PAK6: variants seen among roughly 807,000 people sequenced by gnomAD.
PAK6 encodes serine/threonine-protein kinase PAK 6.
PAK6 carries 33 observed loss-of-function variants against 60.8 expected under a neutral mutation model. The ratio of observed to expected loss-of-function variants is 0.54; its 90% CI spans 0.41 to 0.73. The LOEUF (loss-of-function observed/expected upper bound fraction) is 0.73. Ranked by LOEUF, PAK6 falls within the 30% of genes least tolerant of loss-of-function variation. The pLI, the probability that PAK6 is intolerant of heterozygous loss-of-function variation, is 0.00. For synonymous variants in PAK6, 404 were observed against 378.5 expected, an observed-to-expected ratio of 1.07 and a Z score of -0.78; for missense variants, 845 against 904.1, an observed-to-expected ratio of 0.93 and a Z score of 0.84.
intron 9 of PAK6, 66 bp from the exon 10 acceptor site, chr15:40,274,076 C>G: frequency 6.3e-7 from 1 of 1,584,450 alleles, no homozygotes; most frequent in Admixed American, 1.7e-5. Flanking sequence ...CCACTGCTGC[C>G]ACCAGAACGC....
chr15:40,249,286 G>C (rs1435994529), intron 2 of PAK6, among the ~76,000 whole-genome samples: 2 of 144,142 alleles, frequency 1.4e-5, no homozygotes, highest in Non-Finnish European at 2.9e-5. Flanking sequence ...GATGAATCTT[G>C]GGGGACATAG....
In PAK6 at chr15:40,265,045, G is replaced by A. The variant is rs1391384199; in HGVS notation, c.204+56G>A. ...CCTCTCCCAGTACTCAGACAACCAT[G>A]CCTGGCTAAACCTCAGAAAGGCCCC... On this transcript the variant is annotated intron_variant, in intron 4 of 10. Transcript: ENST00000560346. 13 of 1,532,690 alleles carry A rather than the reference G, an allele frequency of 8.5e-6. No individual in the cohort carries two copies. The East Asian group carries it at 2.7e-4, about 32-fold the overall frequency. The allele number at this position is 1,532,690 out of a possible 1,614,324, so 94.9% of individuals were successfully genotyped here.
At chr15:40,248,642 G>A (rs2038563791) in intron 2 of PAK6, among the ~76,000 whole-genome samples, 1 of 152,220 alleles carries the variant, frequency 6.6e-6, no homozygotes, top group Non-Finnish European at 1.5e-5. Context: ...CAGAGTGGGG[G>A]AACCTGAGGG....
intron 5 of PAK6, 96 bp from the exon 6 acceptor site, chr15:40,272,128 A>G: frequency 1.5e-6 from 2 of 1,371,878 alleles, no homozygotes; most frequent in Non-Finnish European, 1.0e-6. Flanking sequence ...TGACCCTGCC[A>G]GAGTCCAGAG....
At chr15:40,249,853 T>C (rs1381782429) in intron 2 of PAK6, among the ~76,000 whole-genome samples, 1 of 152,232 alleles carries the variant, frequency 6.6e-6, no homozygotes, top group Non-Finnish European at 1.5e-5. Context: ...CAGACCATAC[T>C]GGCCTGCCAA....
intron 2 of PAK6, chr15:40,252,950 G>T: frequency 2.2e-6 from 2 of 890,920 alleles, no homozygotes; most frequent in Non-Finnish European, 2.9e-6. Context: ...GCCGCGCCGG[G>T]TCGGAGTGTG....
chr15:40,242,731 G>C (rs2038390222), intron 2 of PAK6, among the ~76,000 whole-genome samples: 2 of 152,184 alleles, frequency 1.3e-5, no homozygotes, highest in South Asian at 4.1e-4. Flanking sequence ...CACCCCACCA[G>C]AGCTCAGCCC....
intron 3 of PAK6, among the ~76,000 whole-genome samples, chr15:40,262,779 T>C (rs1050474870): frequency 2.0e-5 from 3 of 152,212 alleles, no homozygotes; most frequent in African/African-American, 7.2e-5. Context: ...ACAACCGTCA[T>C]GTATGGGGAC....
At chr15:40,252,617 C>A (rs1027020778) in intron 2 of PAK6, 4 of 1,345,570 alleles carry the variant, frequency 3.0e-6, no homozygotes, top group Non-Finnish European at 3.9e-6. Context: ...CGTTCCCGCG[C>A]CGAGGTCCCT....
At chr15:40,255,858 G>T (rs2038819596) in intron 3 of PAK6, among the ~76,000 whole-genome samples, 1 of 152,132 alleles carries the variant, frequency 6.6e-6, no homozygotes, top group Non-Finnish European at 1.5e-5. Flanking sequence ...ACTGAACTTT[G>T]GGCCAAGGGG....
At chr15:40,264,041 C>T in intron 3 of PAK6, 1 of 435,876 alleles carries the variant, frequency 2.3e-6, no homozygotes, top group Non-Finnish European at 4.6e-6. Context: ...CCAGGCTATC[C>T]TCTTGGCTCA....
At chr15:40,257,083 C>T (rs748058247) in intron 3 of PAK6, 1 of 152,314 alleles carries the variant, frequency 6.6e-6, no homozygotes, top group Non-Finnish European at 1.5e-5. Context: ...GGACTTGAGC[C>T]CTGGTAAGCA....
At chr15:40,265,084 T>A in intron 4 of PAK6, 95 bp downstream of exon 4, 1 of 1,067,326 alleles carries the variant, frequency 9.4e-7, no homozygotes, top group Non-Finnish European at 1.3e-6. Context: ...AGGAACCACC[T>A]ACTTCACAGC....
intron 4 of PAK6, among the ~76,000 whole-genome samples, chr15:40,265,539 A>T (rs576536411): frequency 1.1e-3 from 173 of 151,952 alleles, no homozygotes; most frequent in Admixed American, 3.3e-3. Context: ...CCGCCCCCTG[A>T]GCTCCAGCTC....
At chr15:40,261,975 C>G (rs1361363215) in intron 3 of PAK6, among the ~76,000 whole-genome samples, 1 of 151,922 alleles carries the variant, frequency 6.6e-6, no homozygotes, top group African/African-American at 2.4e-5. Flanking sequence ...GCTAAAGATG[C>G]TCTCCCTGTG....
Position 40,272,586 on chromosome 15 carries a change from G to A in PAK6, c.1221G>A (p.Leu407=), listed in dbSNP as rs764134547. 4.3e-6 allele frequency: 7 copies of A among 1,613,092 alleles called. No individual in the cohort carries two copies. In the East Asian group the frequency reaches 6.7e-5, roughly 15 times the overall value. The change falls in exon 6 of 11, where the codon CTG becomes CTA. Residue 407 remains leucine (L), a synonymous_variant. Transcript: ENST00000560346. ...ACCAGGGTGACCCCCGGCTGCTGCT[G>A]GACAGCTACGTGAAGATTGGCGAGG...
At position 40,264,957 on chromosome 15, in the gene PAK6, C is replaced by T. The variant is rs762812600; in HGVS notation, c.172C>T (p.Arg58Ter). The change falls in exon 4 of 11, where the codon CGA becomes TGA. Residue 58 changes from arginine (R) to a stop codon, truncating the protein, a stop_gained. Coordinates refer to ENST00000560346, the Ensembl canonical transcript of PAK6. LOFTEE classifies it high-confidence loss of function. ...CCCCAAGCCCGTGGTGGACCCTTCG[C>T]GAATCACACGGGTGCAGCTCCAGCC... The T allele has an allele frequency of 5.0e-6, 8 of 1,613,414 alleles. No individual in the cohort carries two copies. The highest frequency in any genetic ancestry group is 2.2e-5 in the East Asian group (1 of 44,894).
chr15:40,256,948 C>T (rs1409779017), intron 3 of PAK6: 1 of 152,256 alleles, frequency 6.6e-6, no homozygotes, highest in Non-Finnish European at 1.5e-5. Flanking sequence ...GTGAATTAAT[C>T]CATCCCTTGT....
chr15:40,256,256 C>T (rs2140963027), intron 3 of PAK6, among the ~76,000 whole-genome samples: 2 of 152,176 alleles, frequency 1.3e-5, no homozygotes, highest in South Asian at 4.2e-4. Flanking sequence ...AAACAAACTT[C>T]TGAAAGTAAA....
Sources: gnomAD v4.1 joint callset for allele counts (sites outside exome capture counted in the v4.1 genomes callset) on GRCh38, gnomAD v4.1.1 for gene constraint, MANE v1.5 for transcripts, NCBI Gene and HGNC (gene_info 2026-07-23, HGNC 2026-07-21) for gene names.